ANKS1B: variants seen among roughly 807,000 people sequenced by gnomAD.
The protein encoded by ANKS1B is ankyrin repeat and sterile alpha motif domain-containing protein 1B.
A neutral mutation model predicts 148.3 loss-of-function variants in ANKS1B; 36 were observed. The observed-to-expected ratio is 0.24, with a 90% CI of 0.19 to 0.32. The LOEUF is 0.32. ANKS1B is among the 10% of genes least tolerant of loss of function. The pLI is 1.00. For synonymous variants in ANKS1B, 542 were observed against 560.8 expected (o/e 0.97, Z 0.47); for missense variants, 1,157 against 1,542.6 (o/e 0.75, Z 4.19).
chr12:99,627,686 G>A (rs562826337), intron 9 of ANKS1B, among the ~76,000 whole-genome samples: 2 of 152,220 alleles, frequency 1.3e-5, no homozygotes, highest in East Asian at 3.9e-4. Context: ...AGAGTGTGCT[G>A]GAGATCATAA....
chr12:99,025,730 T>A (rs772541929), intron 17 of ANKS1B, among the ~76,000 whole-genome samples: 6 of 152,162 alleles, frequency 3.9e-5, no homozygotes, highest in Non-Finnish European at 7.3e-5. Context: ...TTCAATAATG[T>A]TAGTGACCTG....
intron 8 of ANKS1B, among the ~76,000 whole-genome samples, chr12:99,744,991 C>CAAAAAAAAA (rs55904412): frequency 1.9e-5 from 1 of 52,082 alleles, no homozygotes; most frequent in Non-Finnish European, 3.2e-5. Context: ...GACTCTGTCT[C>CAAAAAAAAA]AAAAAAAAAA....
intron 9 of ANKS1B, among the ~76,000 whole-genome samples, chr12:99,620,797 G>C (rs1567496012): frequency 6.6e-6 from 1 of 152,130 alleles, no homozygotes; most frequent in African/African-American, 2.4e-5. Context: ...GCATTGATGA[G>C]AGAGAAAGAG....
chr12:99,979,287 T>A (rs2095664722), intron 1 of ANKS1B, among the ~76,000 whole-genome samples: 1 of 152,128 alleles, frequency 6.6e-6, no homozygotes. Flanking sequence ...AAAATGCTAA[T>A]GTCCTTTTTA....
intron 17 of ANKS1B, among the ~76,000 whole-genome samples, chr12:98,984,198 G>A (rs764694470): frequency 1.8e-4 from 27 of 152,192 alleles, no homozygotes; most frequent in Admixed American, 3.9e-4. Flanking sequence ...GTTTAACTGA[G>A]AAGATCTGTG....
chr12:98,994,884 A>T (rs2099928598), intron 17 of ANKS1B, among the ~76,000 whole-genome samples: 1 of 152,170 alleles, frequency 6.6e-6, no homozygotes, highest in Admixed American at 6.5e-5. Context: ...AAATACAGTC[A>T]CATTCTGAGG....
At chr12:99,443,619 T>G in intron 11 of ANKS1B, 54 bp downstream of exon 11, 1 of 1,586,476 alleles carries the variant, frequency 6.3e-7, no homozygotes, top group Admixed American at 1.7e-5. Context: ...TGTACATGCA[T>G]TGATTCAAAT....
chr12:99,816,176 G>A (rs1051447859), intron 2 of ANKS1B, among the ~76,000 whole-genome samples: 1 of 151,548 alleles, frequency 6.6e-6, no homozygotes, highest in African/African-American at 2.4e-5. Context: ...TTTAATTATG[G>A]CCATTCTTGC....
At chr12:98,992,347 C>A (rs1176662224) in intron 17 of ANKS1B, among the ~76,000 whole-genome samples, 3 of 152,130 alleles carry the variant, frequency 2.0e-5, no homozygotes, top group Admixed American at 6.6e-5. Flanking sequence ...CCATGCAAAT[C>A]TCATCTCAAA....
At position 99,728,551 on chromosome 12, in the gene ANKS1B, G is replaced by C. The variant is rs2058833573; in HGVS notation, c.1128+44371C>G. Among the ~76,000 whole-genome samples, 4 of 152,168 alleles carry C rather than the reference G, an allele frequency of 2.6e-5. No homozygotes were observed. The South Asian group carries it at 8.3e-4, about 32-fold the overall frequency. ...GGGAATGTAAATTAGTCCAACCATT[G>C]TGGACGACAGTATGGCAATTCGTCA... On this transcript the variant is annotated intron_variant, in intron 8 of 26. Coordinates refer to ENST00000683438, the MANE Select transcript of ANKS1B (RefSeq NM_001352186.2).
At chr12:99,202,848 G>A (rs1461860923) in intron 14 of ANKS1B, among the ~76,000 whole-genome samples, 1 of 152,166 alleles carries the variant, frequency 6.6e-6, no homozygotes, top group Admixed American at 6.5e-5. Flanking sequence ...GCCACTTGGG[G>A]ACACTAGGAC....
chr12:98,900,851 G>A (rs534172698), intron 17 of ANKS1B, among the ~76,000 whole-genome samples: 3 of 152,274 alleles, frequency 2.0e-5, no homozygotes, highest in Non-Finnish European at 4.4e-5. Flanking sequence ...AAGTAAATTA[G>A]AGATGGACTC....
At position 99,984,043 on chromosome 12, in the gene ANKS1B, C is replaced by T. The variant is rs2095747803; in HGVS notation, c.134+61G>A. The T allele has an allele frequency of 5.7e-6, 8 of 1,414,838 alleles. No individual in the cohort carries two copies. The South Asian group carries it at 9.2e-5, about 16-fold the overall frequency. The allele number at this position is 1,414,838 out of a possible 1,614,324, so 87.6% of individuals were successfully genotyped here. On this transcript the variant is annotated intron_variant, in intron 1 of 26. Coordinates refer to ENST00000683438, the MANE Select transcript of ANKS1B (RefSeq NM_001352186.2). ...GGTGCAATAACCGTGAGGAGGAGGACGTATATCCATCACAATGCATAATGA... is the reference window on the plus strand; with the variant it reads ...GGTGCAATAACCGTGAGGAGGAGGATGTATATCCATCACAATGCATAATGA...
chr12:99,046,846 T>G (rs1051393283), intron 17 of ANKS1B, among the ~76,000 whole-genome samples: 1 of 147,202 alleles, frequency 6.8e-6, no homozygotes, highest in Non-Finnish European at 1.5e-5. Context: ...AAGACCCAAG[T>G]CTAACTTGTG....
chr12:99,569,843 G>A (rs1406301289), intron 9 of ANKS1B, among the ~76,000 whole-genome samples: 1 of 152,122 alleles, frequency 6.6e-6, no homozygotes, highest in African/African-American at 2.4e-5. Flanking sequence ...GTCCAATCCT[G>A]CTTCCTTCCT....
At chr12:99,686,796 T>C (rs1163196351) in intron 8 of ANKS1B, among the ~76,000 whole-genome samples, 1 of 152,182 alleles carries the variant, frequency 6.6e-6, no homozygotes, top group Non-Finnish European at 1.5e-5. Flanking sequence ...CCATATATTT[T>C]AAGTGTACAT....
intron 8 of ANKS1B, among the ~76,000 whole-genome samples, chr12:99,770,285 C>T (rs1327806863): frequency 6.6e-6 from 1 of 151,078 alleles, no homozygotes; most frequent in Non-Finnish European, 1.5e-5. Flanking sequence ...TTATAGTCTA[C>T]ACACTGTGAC....
intron 25 of ANKS1B, among the ~76,000 whole-genome samples, chr12:98,761,652 T>A (rs2098408169): frequency 6.6e-6 from 1 of 152,238 alleles, no homozygotes; most frequent in African/African-American, 2.4e-5. Context: ...ATGTAGGCTG[T>A]CTTCAATCCG....
intron 17 of ANKS1B, among the ~76,000 whole-genome samples, chr12:98,884,376 T>C (rs993141294): frequency 4.1e-4 from 63 of 152,270 alleles, no homozygotes; most frequent in African/African-American, 1.4e-3. Flanking sequence ...TAAGAAAAGT[T>C]TACTCTGAGC....
Sources: gnomAD v4.1 joint callset for allele counts (sites outside exome capture counted in the v4.1 genomes callset) on GRCh38, gnomAD v4.1.1 for gene constraint, MANE v1.5 for transcripts, NCBI Gene and HGNC (gene_info 2026-07-23, HGNC 2026-07-21) for gene names.